The following BCAS4 variants were observed in gnomAD, a reference collection of about 807,000 sequenced individuals.
The protein encoded by BCAS4 is breast carcinoma amplified sequence 4.
BCAS4 carries 9 observed loss-of-function variants against 15.7 expected under a neutral mutation model. The observed-to-expected ratio is 0.57, with a 90% confidence interval of 0.34 to 1.00. The LOEUF is 1.00. Among genes scored for constraint, BCAS4 ranks in the 50% least tolerant of loss-of-function variants. The pLI, the probability that BCAS4 is intolerant of heterozygous loss-of-function variation, is 0.02. For synonymous variants in BCAS4, 101 were observed against 99.5 expected (o/e 1.02, Z -0.09); for missense variants, 225 against 239.1 (o/e 0.94, Z 0.39).
intron 2 of BCAS4, among the ~76,000 whole-genome samples, chr20:50,821,537 T>TC (rs1266594536): frequency 6.6e-6 from 1 of 152,188 alleles, no homozygotes; most frequent in Non-Finnish European, 1.5e-5. Context: ...GCCTCTTTTT[T>TC]CTCTTTAAGA....
chr20:50,878,150 G>A (rs1980033460), downstream of BCAS4: 1 of 152,130 alleles, frequency 6.6e-6, no homozygotes. Context: ...CCTTGTTTCT[G>A]GAAAAGTCAG....
chr20:50,875,461 C>T (rs1979875716), intron 4 of BCAS4, among the ~76,000 whole-genome samples: 1 of 152,084 alleles, frequency 6.6e-6, no homozygotes, highest in African/African-American at 2.4e-5. Flanking sequence ...GATGGGTACA[C>T]AGTGGAAGAA....
intron 3 of BCAS4, among the ~76,000 whole-genome samples, chr20:50,836,342 C>T (rs756158177): frequency 2.6e-5 from 4 of 152,142 alleles, no homozygotes; most frequent in Non-Finnish European, 5.9e-5. Flanking sequence ...CTGATCTGCC[C>T]CTTTGGTAAT....
At chr20:50,833,510 C>T (rs1004383444) in intron 3 of BCAS4, among the ~76,000 whole-genome samples, 3 of 152,208 alleles carry the variant, frequency 2.0e-5, no homozygotes, top group Non-Finnish European at 4.4e-5. Flanking sequence ...ATTAGCATCC[C>T]TCCAACCCCA....
At chr20:50,862,530 C>A (rs1039289013) in intron 4 of BCAS4, among the ~76,000 whole-genome samples, 2 of 151,828 alleles carry the variant, frequency 1.3e-5, no homozygotes, top group African/African-American at 4.8e-5. Context: ...GGGAGAAGGA[C>A]GGGCCTGGGC....
intron 3 of BCAS4, 28 bp downstream of exon 3, chr20:50,830,408 G>A: frequency 6.3e-7 from 1 of 1,578,040 alleles, no homozygotes; most frequent in Non-Finnish European, 8.7e-7. Context: ...AAGGTTCTGA[G>A]GCTGTGGACT....
intron 4 of BCAS4, among the ~76,000 whole-genome samples, chr20:50,858,767 C>T (rs759853636): frequency 2.8e-5 from 4 of 140,972 alleles, no homozygotes; most frequent in Admixed American, 1.5e-4. Context: ...ACTCTTTCGC[C>T]CAGGCTGGAA....
intron 3 of BCAS4, among the ~76,000 whole-genome samples, chr20:50,834,254 G>T (rs548562281): frequency 6.6e-6 from 1 of 151,172 alleles, no homozygotes; most frequent in African/African-American, 2.4e-5. Context: ...AGAGACCGGG[G>T]CTCACTAAGT....
chr20:50,807,938 C>T (rs1329787537), intron 1 of BCAS4, among the ~76,000 whole-genome samples: 7 of 141,516 alleles, frequency 4.9e-5, no homozygotes, highest in Non-Finnish European at 7.5e-5. Flanking sequence ...ACGGGAGTCT[C>T]GCTCTCTTAC....
At chr20:50,864,397 G>A (rs1432696830) in intron 4 of BCAS4, among the ~76,000 whole-genome samples, 2 of 151,514 alleles carry the variant, frequency 1.3e-5, no homozygotes, top group African/African-American at 4.9e-5. Flanking sequence ...TCAAGATAGA[G>A]TAAGGGGGAG....
Position 50,818,292 on chromosome 20 carries a change from T to TGCCTGGAACGCGTGGGTTTAG in BCAS4, c.162+18_162+19insCGCGTGGGTTTAGGCCTGGAA. ...CAGCCTGGCTGACCTGGTGAGTGGC[T>TGCCTGGAACGCGTGGGTTTAG]GCCTGGAAGGCGTGGGTTTAGGCCC... On this transcript the variant is annotated intron_variant, in intron 2 of 4. Coordinates refer to ENST00000371608, the MANE Select transcript of BCAS4 (RefSeq NM_198799.4). 1 of 1,606,600 alleles carries TGCCTGGAACGCGTGGGTTTAG rather than the reference T, an allele frequency of 6.2e-7. No individual in the cohort carries two copies.
At chr20:50,812,051 C>T (rs763556612) in intron 1 of BCAS4, among the ~76,000 whole-genome samples, 1 of 152,194 alleles carries the variant, frequency 6.6e-6, no homozygotes, top group Non-Finnish European at 1.5e-5. Flanking sequence ...TTTTTATGGA[C>T]AAATGATACT....
chr20:50,805,834 G>T (rs979999307), intron 1 of BCAS4, among the ~76,000 whole-genome samples: 1 of 152,086 alleles, frequency 6.6e-6, no homozygotes, highest in Non-Finnish European at 1.5e-5. Context: ...ACTTAGCCAG[G>T]CGTGGTGGTG....
intron 2 of BCAS4, among the ~76,000 whole-genome samples, chr20:50,818,791 A>T (rs981395969): frequency 1.3e-5 from 2 of 151,762 alleles, no homozygotes; most frequent in African/African-American, 4.8e-5. Flanking sequence ...TTTACCTCCT[A>T]CTCTGTCTGG....
At chr20:50,857,898 C>T (rs1338546248) in intron 4 of BCAS4, among the ~76,000 whole-genome samples, 1 of 152,130 alleles carries the variant, frequency 6.6e-6, no homozygotes, top group Non-Finnish European at 1.5e-5. Context: ...GCAGGATGTT[C>T]TCCTCTTTCC....
In BCAS4 at chr20:50,841,629, C is replaced by A. The variant is rs2088482515; in HGVS notation, c.265-137C>A. 6.8e-6 allele frequency: 8 copies of A among 1,175,560 alleles called. No homozygotes were observed. In the South Asian group the frequency reaches 1.0e-4, roughly 15 times the overall value. 72.8% of individuals were successfully genotyped at this position (1,175,560 alleles called of 1,614,324 possible). ...CCCTCCAGCTAAGCAGGCCCTGCTG[C>A]CTTGCAGGGAGCCCCATTGGAGGGA... On this transcript the variant is annotated intron_variant, in intron 3 of 4. Transcript: ENST00000371608.
chr20:50,796,909 T>C (rs1333689185), intron 1 of BCAS4, among the ~76,000 whole-genome samples: 1 of 151,824 alleles, frequency 6.6e-6, no homozygotes, highest in African/African-American at 2.4e-5. Flanking sequence ...TAGCTCAATG[T>C]AGCCTCAACC....
At chr20:50,857,041 G>A (rs1978798599) in intron 4 of BCAS4, among the ~76,000 whole-genome samples, 1 of 152,238 alleles carries the variant, frequency 6.6e-6, no homozygotes, top group Non-Finnish European at 1.5e-5. Context: ...GTACGTTTGT[G>A]CTGTTCACAA....
chr20:50,853,667 CCATTTTGTG>C (rs1978572999), intron 4 of BCAS4, among the ~76,000 whole-genome samples: 1 of 12,342 alleles, frequency 8.1e-5, no homozygotes, highest in Non-Finnish European at 1.9e-4. Flanking sequence ...GCTGTGGGGA[CCATTTTGTG>C]TACTGGGGGG....
Sources: gnomAD v4.1 joint callset for allele counts (sites outside exome capture counted in the v4.1 genomes callset) on GRCh38, gnomAD v4.1.1 for gene constraint, MANE v1.5 for transcripts, NCBI Gene and HGNC (gene_info 2026-07-23, HGNC 2026-07-21) for gene names.